MCF2L2: variants seen among roughly 807,000 people sequenced by gnomAD.
The protein encoded by MCF2L2 is MCF.2 cell line derived transforming sequence-like 2.
A neutral mutation model predicts 150.2 loss-of-function variants in MCF2L2; 102 were observed. The ratio of observed to expected loss-of-function variants is 0.68; its 90% CI spans 0.58 to 0.80. MCF2L2 has a LOEUF of 0.80. Among genes scored for constraint, MCF2L2 ranks in the 30% least tolerant of loss-of-function variants. The pLI is 0.00. For synonymous variants in MCF2L2, 465 were observed against 491.3 expected (o/e 0.95, Z 0.71); for missense variants, 1,256 against 1,372.8 (o/e 0.91, Z 1.34).
chr3:183,330,643 A>T (rs908541333), intron 5 of MCF2L2, among the ~76,000 whole-genome samples: 3 of 152,150 alleles, frequency 2.0e-5, no homozygotes, highest in African/African-American at 4.8e-5. Context: ...AGTGAATTTT[A>T]CCTGATGTAA....
intron 1 of MCF2L2, among the ~76,000 whole-genome samples, chr3:183,419,828 G>A (rs543325627): frequency 5.9e-5 from 9 of 152,292 alleles, no homozygotes; most frequent in South Asian, 2.1e-4. Flanking sequence ...AGCTGAGATC[G>A]TGCCACTGCA....
At chr3:183,279,197 T>C (rs907683532) in intron 14 of MCF2L2, among the ~76,000 whole-genome samples, 15 of 152,160 alleles carry the variant, frequency 9.9e-5, no homozygotes, top group African/African-American at 3.6e-4. Flanking sequence ...ATTTTTTCAT[T>C]TACATCGTAA....
chr3:183,325,322 C>T (rs1729980103), intron 5 of MCF2L2, among the ~76,000 whole-genome samples: 1 of 152,052 alleles, frequency 6.6e-6, no homozygotes, highest in South Asian at 2.1e-4. Flanking sequence ...GTAAACAAGA[C>T]AGACCCTGTT....
At chr3:183,328,543 C>T (rs73884656) in intron 5 of MCF2L2, among the ~76,000 whole-genome samples, 4,968 of 150,144 alleles carry the variant, frequency 0.033, 284 homozygotes, top group African/African-American at 0.11. Context: ...AAGCAGCCTA[C>T]ACATTAGTTG....
At chr3:183,320,109 T>TG (rs1729750495) in intron 6 of MCF2L2, among the ~76,000 whole-genome samples, 1 of 151,658 alleles carries the variant, frequency 6.6e-6, no homozygotes, top group African/African-American at 2.4e-5. Context: ...TTTTTTTTTT[T>TG]TGAGACAAAT....
At chr3:183,206,342 C>G in intron 23 of MCF2L2, 128 bp from the exon 24 acceptor site, 2 of 703,166 alleles carry the variant, frequency 2.8e-6, no homozygotes, top group Middle Eastern at 6.7e-4. Context: ...CAAGTTTTTG[C>G]TTTCCTCTCT....
intron 13 of MCF2L2, among the ~76,000 whole-genome samples, chr3:183,294,818 T>C (rs370958229): frequency 0.021 from 3,266 of 151,916 alleles, 72 homozygotes; most frequent in East Asian, 0.051. Flanking sequence ...TTAGTATAGA[T>C]GGGGTTTCAC....
intron 10 of MCF2L2, among the ~76,000 whole-genome samples, chr3:183,307,356 G>C (rs948657233): frequency 6.6e-6 from 1 of 152,256 alleles, no homozygotes; most frequent in South Asian, 2.1e-4. Context: ...TCTGAGGGAA[G>C]ATATATTGAA....
intron 3 of MCF2L2, among the ~76,000 whole-genome samples, chr3:183,365,517 G>A (rs1426854431): frequency 6.6e-6 from 1 of 152,174 alleles, no homozygotes. Context: ...AGTCACTGAG[G>A]CACAGATGGA....
Position 183,318,233 on chromosome 3 carries a change from A to G in MCF2L2, c.604-16T>C. ...TTTCGATGGCCTGGAAGGTCAGACA[A>G]TTGTAACAATATGGAGAGATTAACA... On this transcript the variant is annotated splice_polypyrimidine_tract_variant and intron_variant, in intron 6 of 29. Coordinates refer to ENST00000328913, the MANE Select transcript of MCF2L2 (RefSeq NM_015078.4). 6.2e-7 allele frequency: 1 copy of G among 1,614,068 alleles called. No homozygotes were observed. The highest frequency in any genetic ancestry group is 1.3e-5 in the African/African-American group (1 of 75,068).
At chr3:183,195,850 G>A (rs1250660914) in intron 25 of MCF2L2, among the ~76,000 whole-genome samples, 7 of 152,030 alleles carry the variant, frequency 4.6e-5, no homozygotes, top group East Asian at 1.9e-4. Flanking sequence ...TGCTCACTTC[G>A]AGGCACCTCT....
At chr3:183,423,632 GTTTTTTTTTT>G (rs34400256) in intron 1 of MCF2L2, among the ~76,000 whole-genome samples, 2 of 92,040 alleles carry the variant, frequency 2.2e-5, no homozygotes, top group Admixed American at 2.8e-4. Context: ...AATTTTATTT[GTTTTTTTTTT>G]TTTTTTTTTT....
intron 20 of MCF2L2, among the ~76,000 whole-genome samples, chr3:183,220,833 A>G (rs1723123021): frequency 6.6e-6 from 1 of 152,204 alleles, no homozygotes. Flanking sequence ...GCAAATTGCT[A>G]TGTCCTTTGC....
At chr3:183,277,194 G>A (rs1039452685) in intron 14 of MCF2L2, among the ~76,000 whole-genome samples, 2 of 151,956 alleles carry the variant, frequency 1.3e-5, no homozygotes, top group African/African-American at 4.8e-5. Flanking sequence ...GGTATCGGCC[G>A]GGCGTGGTGG....
chr3:183,216,570 A>AAG (rs1722933764), intron 21 of MCF2L2, among the ~76,000 whole-genome samples: 3 of 26,978 alleles, frequency 1.1e-4, no homozygotes, highest in East Asian at 1.8e-3. Context: ...ATATATATAT[A>AAG]TATATATATA....
chr3:183,219,780 G>A, intron 21 of MCF2L2, 76 bp downstream of exon 21: 7 of 947,022 alleles, frequency 7.4e-6, no homozygotes, highest in Non-Finnish European at 1.2e-5. Context: ...AAGTAAAATT[G>A]CTATAAATCC....
chr3:183,411,567 G>A (rs1715317262), intron 1 of MCF2L2, among the ~76,000 whole-genome samples: 1 of 151,078 alleles, frequency 6.6e-6, no homozygotes, highest in Non-Finnish European at 1.5e-5. Flanking sequence ...TTTTAAATTA[G>A]CTATATTAAT....
At chr3:183,407,768 C>T (rs1715115986) in intron 1 of MCF2L2, among the ~76,000 whole-genome samples, 1 of 152,122 alleles carries the variant, frequency 6.6e-6, no homozygotes, top group Non-Finnish European at 1.5e-5. Flanking sequence ...CGGGCTTGTT[C>T]CTCCTTTGCA....
intron 2 of MCF2L2, among the ~76,000 whole-genome samples, chr3:183,385,403 A>G (rs974279270): frequency 6.6e-6 from 1 of 152,148 alleles, no homozygotes. Context: ...TGTTTCAGTT[A>G]GGAGCCTCCC....
Sources: allele counts gnomAD v4.1 joint callset (sites outside exome capture counted in the v4.1 genomes callset), GRCh38; gene constraint gnomAD v4.1.1; transcripts MANE v1.5; gene names NCBI Gene and HGNC (gene_info 2026-07-23, HGNC 2026-07-21).